CELF1: variants seen among roughly 807,000 people sequenced by gnomAD.
CELF1 encodes the protein CUGBP Elav-like family member 1, also known as 50 kDa nuclear polyadenylated RNA-binding protein.
Under a neutral mutation model 61.8 loss-of-function variants are expected in CELF1, and 10 were observed. That is an observed-to-expected ratio of 0.16 (90% confidence interval 0.10 to 0.27). CELF1 has a LOEUF of 0.27. Ranked by LOEUF, CELF1 falls within the 10% of genes least tolerant of loss-of-function variation. The pLI is 1.00. For synonymous variants in CELF1, 236 were observed against 225.1 expected (o/e 1.05, Z -0.43); for missense variants, 380 against 639.1 (o/e 0.59, Z 4.37).
At chr11:47,545,759 G>A (rs916217906) in intron 1 of CELF1, among the ~76,000 whole-genome samples, 11 of 151,734 alleles carry the variant, frequency 7.2e-5, no homozygotes, top group African/African-American at 2.7e-4. Flanking sequence ...TCAAGCTCCT[G>A]AGCTCAAGCA....
intron 8 of CELF1, among the ~76,000 whole-genome samples, 191 bp downstream of exon 8, chr11:47,483,262 C>T (rs2084525600): frequency 6.6e-6 from 1 of 151,822 alleles, no homozygotes; most frequent in Admixed American, 6.6e-5. Context: ...AAGACCCCAT[C>T]TCAAAAAAAG....
intron 9 of CELF1, among the ~76,000 whole-genome samples, chr11:47,479,915 G>A (rs924700252): frequency 2.0e-5 from 3 of 151,830 alleles, no homozygotes; most frequent in Non-Finnish European, 4.4e-5. Flanking sequence ...GAACAGAATG[G>A]GGGAAAAAAT....
chr11:47,507,533 G>C (rs951959415), intron 1 of CELF1, among the ~76,000 whole-genome samples: 2 of 152,050 alleles, frequency 1.3e-5, no homozygotes, highest in African/African-American at 4.8e-5. Context: ...AAACCAATTT[G>C]TTTTATTTTT....
At chr11:47,476,034 C>G (rs1398937834) in intron 12 of CELF1, among the ~76,000 whole-genome samples, 1 of 149,384 alleles carries the variant, frequency 6.7e-6, no homozygotes, top group Non-Finnish European at 1.5e-5. Flanking sequence ...GAGTCTCACT[C>G]TGTCACCTAG....
At chr11:47,510,067 AG>A (rs2094970110) in intron 1 of CELF1, among the ~76,000 whole-genome samples, 1 of 151,936 alleles carries the variant, frequency 6.6e-6, no homozygotes, top group East Asian at 1.9e-4. Flanking sequence ...GTCTCAAAAA[AG>A]AAAAAAAAAA....
intron 5 of CELF1, 127 bp from the exon 6 acceptor site, chr11:47,486,925 C>G: frequency 1.3e-6 from 1 of 799,950 alleles, no homozygotes. Context: ...GCTTCATGAT[C>G]TTTCCCCAGA....
chr11:47,555,078 C>T (rs993416299), upstream of CELF1, among the ~76,000 whole-genome samples: 2 of 152,198 alleles, frequency 1.3e-5, no homozygotes, highest in African/African-American at 4.8e-5. Flanking sequence ...TTTCACTGCT[C>T]TATCCTCAGG....
chr11:47,507,549 T>A (rs1180305938), intron 1 of CELF1, among the ~76,000 whole-genome samples: 3 of 152,184 alleles, frequency 2.0e-5, no homozygotes, highest in African/African-American at 7.2e-5. Context: ...TTTTTAAGCA[T>A]ATCGAACAAT....
intron 2 of CELF1, among the ~76,000 whole-genome samples, chr11:47,558,242 A>C (rs1243669145): frequency 6.6e-6 from 1 of 151,712 alleles, no homozygotes; most frequent in Non-Finnish European, 1.5e-5. Context: ...ATAGCCTATG[A>C]TGTCAAGTTG....
At chr11:47,482,533 G>C in intron 9 of CELF1, 162 bp downstream of exon 9, 1 of 575,530 alleles carries the variant, frequency 1.7e-6, no homozygotes, top group Non-Finnish European at 3.0e-6. Context: ...GAGAGAGAAA[G>C]AGACTAACAG....
intron 7 of CELF1, among the ~76,000 whole-genome samples, chr11:47,483,801 T>A (rs2084927445): frequency 6.6e-6 from 1 of 152,184 alleles, no homozygotes; most frequent in Non-Finnish European, 1.5e-5. Flanking sequence ...AAGAAGAAAG[T>A]ATTTCCATTT....
chr11:47,546,616 T>C (rs2096958336), intron 1 of CELF1, among the ~76,000 whole-genome samples: 1 of 152,170 alleles, frequency 6.6e-6, no homozygotes, highest in Non-Finnish European at 1.5e-5. Flanking sequence ...AACTAGGCCA[T>C]TAATGACAGA....
chr11:47,539,366 C>T (rs973314060), intron 1 of CELF1, among the ~76,000 whole-genome samples: 78 of 152,238 alleles, frequency 5.1e-4, no homozygotes, highest in African/African-American at 1.7e-3. Flanking sequence ...GCACTCTTCC[C>T]AACAGCTGGG....
At chr11:47,548,663 C>T (rs574268419) in intron 1 of CELF1, among the ~76,000 whole-genome samples, 4 of 151,944 alleles carry the variant, frequency 2.6e-5, no homozygotes, top group Admixed American at 1.3e-4. Flanking sequence ...GTTGGGAGTT[C>T]GAGACCAGCC....
At chr11:47,475,985 T>TA (rs923277500) in intron 12 of CELF1, among the ~76,000 whole-genome samples, 65 of 152,162 alleles carry the variant, frequency 4.3e-4, no homozygotes, top group African/African-American at 1.5e-3. Flanking sequence ...CAGCAGCACT[T>TA]TACCTATGTT....
chr11:47,493,016 T>C lies in CELF1; in HGVS notation c.72-3992A>G, dbSNP rs559868784. Among the ~76,000 whole-genome samples, 123 of 152,318 alleles carry C rather than the reference T, an allele frequency of 8.1e-4. 2 individuals are homozygous for C. Among genetic ancestry groups the C allele is most frequent in the Admixed American group, 7.1e-3 (109 of 15,300 alleles). On this transcript the variant is annotated intron_variant, in intron 3 of 14. Coordinates refer to ENST00000687097, the MANE Select transcript of CELF1 (RefSeq NM_001376376.1). ...TGTTGTTTGTGTGCCAATTCTGAAC[T>C]TTTGCATCCTGTTTAGTGCTAAAGC...
intron 1 of CELF1, among the ~76,000 whole-genome samples, chr11:47,511,751 C>T (rs549082722): frequency 2.0e-5 from 3 of 152,262 alleles, no homozygotes; most frequent in African/African-American, 4.8e-5. Flanking sequence ...CACAGAGATC[C>T]GGGCTAAGAA....
At chr11:47,548,910 T>C (rs1428839133) in intron 1 of CELF1, among the ~76,000 whole-genome samples, 1 of 144,476 alleles carries the variant, frequency 6.9e-6, no homozygotes, top group African/African-American at 2.5e-5. Context: ...AGAACTTCTA[T>C]AATTCAACAA....
chr11:47,548,287 AGACT>A (rs2097032892), intron 1 of CELF1, among the ~76,000 whole-genome samples: 1 of 152,070 alleles, frequency 6.6e-6, no homozygotes, highest in East Asian at 1.9e-4. Flanking sequence ...TGACAGAGTG[AGACT>A]CCGTCTCAAA....
Sources: gnomAD v4.1 joint callset for allele counts (sites outside exome capture counted in the v4.1 genomes callset) on GRCh38, gnomAD v4.1.1 for gene constraint, MANE v1.5 for transcripts, NCBI Gene and HGNC (gene_info 2026-07-23, HGNC 2026-07-21) for gene names.